The following ESR2 variants were observed in gnomAD, a reference collection of about 807,000 sequenced individuals.
The protein encoded by ESR2 is estrogen receptor 2, also known as estrogen receptor beta.
A neutral mutation model predicts 49.6 loss-of-function variants in ESR2; 36 were observed. The observed-to-expected ratio is 0.73, with a 90% CI of 0.56 to 0.96. ESR2 has a LOEUF of 0.96. Ranked by LOEUF, ESR2 falls within the 40% of genes least tolerant of loss-of-function variation. The pLI is 0.00. For missense variants in ESR2, 714 were observed against 693.0 expected (o/e 1.03, Z -0.34); for synonymous variants, 320 against 266.1 (o/e 1.20, Z -1.97).
At chr14:64,318,537 C>CAAAAAAAAAAAAAAAAAAAAA (rs58597271) in intron 1 of ESR2, among the ~76,000 whole-genome samples, 1 of 32,426 alleles carries the variant, frequency 3.1e-5, no homozygotes, top group African/African-American at 1.0e-4. Context: ...AACTCCATCT[C>CAAAAAAAAAAAAAAAAAAAAA]AAAAAAAAAA....
At chr14:64,240,127 C>T (rs2075689950) in intron 7 of ESR2, among the ~76,000 whole-genome samples, 1 of 152,218 alleles carries the variant, frequency 6.6e-6, no homozygotes, top group South Asian at 2.1e-4. Context: ...GCTTTTAAAA[C>T]ATGACTACTG....
chr14:64,323,860 T>G lies in ESR2; in HGVS notation c.-91+14038A>C, dbSNP rs369316634. Among the ~76,000 whole-genome samples, 205 of 152,172 alleles carry G rather than the reference T, an allele frequency of 1.3e-3. 7 individuals carry two copies. In the South Asian group the frequency reaches 0.042, roughly 31 times the overall value. On this transcript the variant is annotated intron_variant, in intron 1 of 8. Coordinates refer to the ESR2 transcript ENST00000358599. Reference sequence around the variant, plus strand: ...ATGTGAGCCACTACACCTGGCTAATTTTTGTGTTTTTAGTAGAGACAGGGT... The same window carrying G: ...ATGTGAGCCACTACACCTGGCTAATGTTTGTGTTTTTAGTAGAGACAGGGT...
downstream of ESR2, chr14:64,227,998 TG>T (rs749405121): frequency 3.2e-6 from 5 of 1,548,554 alleles, no homozygotes; most frequent in Admixed American, 3.9e-5. Context: ...ATCGATGCAC[TG>T]GATACCAGGA....
intron 6 of ESR2, among the ~76,000 whole-genome samples, chr14:64,256,456 T>C (rs1424084668): frequency 6.6e-6 from 1 of 152,174 alleles, no homozygotes; most frequent in Non-Finnish European, 1.5e-5. Context: ...AGATCGGGCA[T>C]GGTGGCTCAC....
chr14:64,268,779 G>A lies in ESR2; in HGVS notation c.652+16C>T. On this transcript the variant is annotated intron_variant, in intron 4 of 8. Transcript: ENST00000341099. ...AGCAAGGCCCATATTCAATAAGAAG[G>A]GAAGCAAGCACTCACCACACTTCAC... 7.4e-6 allele frequency: 11 copies of A among 1,486,130 alleles called. No homozygotes were observed. The highest frequency in any genetic ancestry group is 2.3e-5 in the East Asian group (1 of 44,316). The allele number at this position is 1,486,130 out of a possible 1,614,324, so 92.1% of individuals were successfully genotyped here. A position where few individuals can be genotyped will look rare whatever the true frequency, so the allele number is the denominator to read the frequency against.
At chr14:64,247,435 CAT>C (rs2075887213) in intron 7 of ESR2, among the ~76,000 whole-genome samples, 2 of 152,322 alleles carry the variant, frequency 1.3e-5, no homozygotes, top group East Asian at 1.9e-4. Flanking sequence ...CAGCTGGAAA[CAT>C]GTGACCACAG....
chr14:64,261,823 C>T (rs988027701), intron 4 of ESR2, among the ~76,000 whole-genome samples: 1 of 152,156 alleles, frequency 6.6e-6, no homozygotes, highest in African/African-American at 2.4e-5. Context: ...GCAATCATAG[C>T]TCACTGCAGC....
chr14:64,235,528 G>A (rs978684948), intron 7 of ESR2, among the ~76,000 whole-genome samples: 2 of 152,346 alleles, frequency 1.3e-5, no homozygotes, highest in South Asian at 2.1e-4. Flanking sequence ...TTAGCCCCAC[G>A]GAGGGCTCCC....
rs116469808 is a variant in ESR2 at position 64,276,431 on chromosome 14, A to G, written c.535+3550T>C. Among the ~76,000 whole-genome samples, 443 of 152,334 alleles carry G rather than the reference A, an allele frequency of 2.9e-3. 5 individuals carry two copies. Among genetic ancestry groups the G allele is most frequent in the African/African-American group, 0.01 (431 of 41,592 alleles). On this transcript the variant is annotated intron_variant, in intron 3 of 8. Coordinates refer to ENST00000341099, the MANE Select transcript of ESR2 (RefSeq NM_001437.3). The stretch of plus-strand genomic sequence containing the variant: ...AAAAGATACTATACATCACGTATCA[A>G]TGTAGCAAGGTTTTTTTCTTTTTGA...
chr14:64,253,560 T>G (rs1003482021), intron 6 of ESR2, among the ~76,000 whole-genome samples: 34 of 136,638 alleles, frequency 2.5e-4, no homozygotes, highest in Admixed American at 3.8e-4. Flanking sequence ...GGTACACTAT[T>G]TGTGTGTGTG....
chr14:64,283,747 C>CAA (rs757997424), intron 1 of ESR2, among the ~76,000 whole-genome samples: 480 of 44,908 alleles, frequency 0.011, 1 homozygote, highest in Non-Finnish European at 0.012. Flanking sequence ...GACCCTGTCT[C>CAA]AAAAAAAAAA....
intron 1 of ESR2, among the ~76,000 whole-genome samples, chr14:64,336,990 T>C (rs1478311042): frequency 6.6e-6 from 1 of 152,236 alleles, no homozygotes; most frequent in East Asian, 1.9e-4. Context: ...TATATATTTC[T>C]TTACTTGATC....
chr14:64,310,726 T>C (rs921499104), intron 1 of ESR2, among the ~76,000 whole-genome samples: 17 of 152,102 alleles, frequency 1.1e-4, no homozygotes, highest in Admixed American at 1.1e-3. Flanking sequence ...CGCCTCGGCC[T>C]CCCAAAGTGC....
intron 1 of ESR2, among the ~76,000 whole-genome samples, chr14:64,288,707 C>T (rs868767545): frequency 2.7e-5 from 4 of 148,202 alleles, no homozygotes; most frequent in Non-Finnish European, 3.0e-5. Flanking sequence ...ATCAGTCACC[C>T]GGGCGCGGGT....
chr14:64,301,912 G>C (rs1193522179), intron 1 of ESR2, among the ~76,000 whole-genome samples: 1 of 152,110 alleles, frequency 6.6e-6, no homozygotes, highest in Non-Finnish European at 1.5e-5. Flanking sequence ...CTTGGCCTAA[G>C]AGATGGCAAG....
intron 6 of ESR2, among the ~76,000 whole-genome samples, chr14:64,256,739 C>CA (rs946561661): frequency 6.7e-6 from 1 of 149,858 alleles, no homozygotes; most frequent in Non-Finnish European, 1.5e-5. Context: ...AGAAAAAAAA[C>CA]AAAAAACAAA....
chr14:64,270,798 C>A (rs2076430932), intron 3 of ESR2, among the ~76,000 whole-genome samples: 1 of 152,230 alleles, frequency 6.6e-6, no homozygotes, highest in Non-Finnish European at 1.5e-5. Context: ...GCGTGAGCCA[C>A]CACAGCTGGC....
intron 1 of ESR2, among the ~76,000 whole-genome samples, chr14:64,309,403 G>A (rs1400528874): frequency 6.6e-6 from 1 of 152,014 alleles, no homozygotes; most frequent in Non-Finnish European, 1.5e-5. Flanking sequence ...CCTGAGATCA[G>A]GAGTTTGAGA....
intron 6 of ESR2, among the ~76,000 whole-genome samples, chr14:64,252,149 T>C (rs1446923629): frequency 6.6e-6 from 1 of 151,896 alleles, no homozygotes; most frequent in East Asian, 1.9e-4. Context: ...AGACCTTGTC[T>C]CTACAAAATA....
Sources: allele counts gnomAD v4.1 joint callset (sites outside exome capture counted in the v4.1 genomes callset), GRCh38; gene constraint gnomAD v4.1.1; transcripts MANE v1.5; gene names NCBI Gene and HGNC (gene_info 2026-07-23, HGNC 2026-07-21).